Variants in CRACDL observed in about 807,000 individuals in gnomAD.
CRACDL encodes CRACD like.
In CRACDL, 26 loss-of-function variants were observed where a neutral mutation model predicts 70.6. The ratio of observed to expected loss-of-function variants is 0.37; its 90% CI spans 0.27 to 0.51. CRACDL has a LOEUF of 0.51. Ranked by LOEUF, CRACDL falls within the 20% of genes least tolerant of loss-of-function variation. CRACDL has a pLI of 0.94. For missense variants in CRACDL, 1,283 were observed against 1,376.9 expected (o/e 0.93, Z 1.08); for synonymous variants, 618 against 615.2 (o/e 1.00, Z -0.07).
chr2:98,827,660 T>C (rs1353349888), intron 5 of CRACDL, among the ~76,000 whole-genome samples: 1 of 151,738 alleles, frequency 6.6e-6, no homozygotes, highest in African/African-American at 2.4e-5. Flanking sequence ...TGGCTGGGAG[T>C]TTAAAGTGTG....
chr2:98,840,297 C>T (rs1268267816), intron 2 of CRACDL, among the ~76,000 whole-genome samples: 12 of 152,008 alleles, frequency 7.9e-5, no homozygotes, highest in Admixed American at 7.9e-4. Context: ...TCTTCATTTC[C>T]AAGCAGTTGA....
chr2:98,882,637 G>A (rs749480078), intron 1 of CRACDL, among the ~76,000 whole-genome samples: 21 of 152,126 alleles, frequency 1.4e-4, no homozygotes, highest in Non-Finnish European at 2.6e-4. Flanking sequence ...CATAAAACCT[G>A]TCTCTCTGGT....
intron 8 of CRACDL, 73 bp from the exon 9 acceptor site, chr2:98,796,337 G>T (rs919209733): frequency 2.1e-5 from 31 of 1,495,710 alleles, no homozygotes; most frequent in Non-Finnish European, 2.8e-6. Context: ...CAAAGTGAAG[G>T]AGCTGCAAAG....
intron 1 of CRACDL, among the ~76,000 whole-genome samples, chr2:98,875,404 A>C (rs1707463656): frequency 6.6e-6 from 1 of 152,104 alleles, no homozygotes; most frequent in South Asian, 2.1e-4. Flanking sequence ...CAAATTAGCA[A>C]CTCCCAGCTG....
chr2:98,923,243 C>T (rs1318324087), intron 1 of CRACDL, among the ~76,000 whole-genome samples: 1 of 150,602 alleles, frequency 6.6e-6, no homozygotes, highest in Non-Finnish European at 1.5e-5. Context: ...TGCACTCCAG[C>T]CTGGGTGACA....
At chr2:98,925,324 G>T (rs1261846355) in intron 1 of CRACDL, among the ~76,000 whole-genome samples, 1 of 152,206 alleles carries the variant, frequency 6.6e-6, no homozygotes, top group East Asian at 1.9e-4. Flanking sequence ...ACCCTGGGTG[G>T]GTTACCAGGA....
intron 1 of CRACDL, among the ~76,000 whole-genome samples, chr2:98,886,530 G>T (rs1707801249): frequency 6.6e-6 from 1 of 152,370 alleles, no homozygotes; most frequent in South Asian, 2.1e-4. Flanking sequence ...CAAATAGGAA[G>T]AGAGGGTTTA....
chr2:98,863,656 A>G (rs1004586765), intron 1 of CRACDL, among the ~76,000 whole-genome samples: 1 of 152,226 alleles, frequency 6.6e-6, no homozygotes, highest in African/African-American at 2.4e-5. Flanking sequence ...GTGCAAAAGT[A>G]ATACCCAGTC....
chr2:98,816,060 T>C (rs528944895), intron 7 of CRACDL, among the ~76,000 whole-genome samples: 1 of 152,200 alleles, frequency 6.6e-6, no homozygotes, highest in African/African-American at 2.4e-5. Context: ...GGGGGTGCAG[T>C]AGGATCTGGG....
chr2:98,888,435 TG>T (rs1386323714), intron 1 of CRACDL, among the ~76,000 whole-genome samples: 1 of 152,200 alleles, frequency 6.6e-6, no homozygotes, highest in Admixed American at 6.5e-5. Flanking sequence ...GAAATTAAGT[TG>T]GTATTAATCC....
At chr2:98,806,404 C>T (rs1704293996) in intron 7 of CRACDL, among the ~76,000 whole-genome samples, 1 of 152,272 alleles carries the variant, frequency 6.6e-6, no homozygotes, top group Admixed American at 6.5e-5. Flanking sequence ...AGGCTCTTTT[C>T]CTGACTTCTG....
At chr2:98,853,879 G>A (rs1706585007) in intron 1 of CRACDL, among the ~76,000 whole-genome samples, 3 of 152,092 alleles carry the variant, frequency 2.0e-5, no homozygotes, top group Non-Finnish European at 4.4e-5. Context: ...TTAATGCAAA[G>A]AAGTTTAGCT....
At chr2:98,864,889 A>G (rs1707075256) in intron 1 of CRACDL, among the ~76,000 whole-genome samples, 1 of 152,232 alleles carries the variant, frequency 6.6e-6, no homozygotes, top group Admixed American at 6.5e-5. Context: ...ATATGTAACT[A>G]ATATGTCATC....
At chr2:98,891,249 C>T (rs564407369) in intron 1 of CRACDL, among the ~76,000 whole-genome samples, 9 of 151,540 alleles carry the variant, frequency 5.9e-5, no homozygotes, top group Non-Finnish European at 1.2e-4. Context: ...TGGTGGTGGT[C>T]ACCTGTAATT....
chr2:98,826,870 G>A (rs914641195), intron 6 of CRACDL, 105 bp downstream of exon 6: 1 of 743,718 alleles, frequency 1.3e-6, no homozygotes, highest in African/African-American at 1.8e-5. Flanking sequence ...GTGCTCAGAG[G>A]GGGCATGAGA....
At chr2:98,837,084 C>CAAA (rs35180684) in intron 3 of CRACDL, among the ~76,000 whole-genome samples, 2 of 118,618 alleles carry the variant, frequency 1.7e-5, no homozygotes, top group East Asian at 5.3e-4. Context: ...GACTCCGTCT[C>CAAA]AAAAAAAAAA....
At chr2:98,871,071 G>A (rs1376362865) in intron 1 of CRACDL, among the ~76,000 whole-genome samples, 2 of 152,180 alleles carry the variant, frequency 1.3e-5, no homozygotes, top group South Asian at 4.1e-4. Flanking sequence ...TCCACAGCAC[G>A]GTGCACACAT....
chr2:98,867,140 T>A (rs1707178535), intron 1 of CRACDL, among the ~76,000 whole-genome samples: 1 of 152,156 alleles, frequency 6.6e-6, no homozygotes, highest in Non-Finnish European at 1.5e-5. Flanking sequence ...TGCAAGAAAA[T>A]ACCATAGCTT....
At chr2:98,916,462 T>C (rs1402145237) in intron 1 of CRACDL, among the ~76,000 whole-genome samples, 1 of 152,076 alleles carries the variant, frequency 6.6e-6, no homozygotes, top group Non-Finnish European at 1.5e-5. Context: ...CTGTGCACTT[T>C]AAATGTGTGC....
Sources: gnomAD v4.1 joint callset for allele counts (sites outside exome capture counted in the v4.1 genomes callset) on GRCh38, gnomAD v4.1.1 for gene constraint, MANE v1.5 for transcripts, NCBI Gene and HGNC (gene_info 2026-07-23, HGNC 2026-07-21) for gene names.